CGNL1: variants seen among roughly 807,000 people sequenced by gnomAD.
The protein encoded by CGNL1 is cingulin like 1.
Under a neutral mutation model 141.2 loss-of-function variants are expected in CGNL1, and 132 were observed. That is an observed-to-expected ratio of 0.93 (90% CI 0.81 to 1.08). CGNL1 has a LOEUF of 1.08. Ranked by LOEUF, CGNL1 falls within the 50% of genes least tolerant of loss-of-function variation. CGNL1 has a pLI of 0.00. For missense variants in CGNL1, 1,870 were observed against 1,588.6 expected, an observed-to-expected ratio of 1.18 and a Z score of -3.01; for synonymous variants, 690 against 622.1, an observed-to-expected ratio of 1.11 and a Z score of -1.63.
At chr15:57,403,296 C>T (rs1205052686) in intron 1 of CGNL1, among the ~76,000 whole-genome samples, 1 of 152,182 alleles carries the variant, frequency 6.6e-6, no homozygotes, top group Admixed American at 6.5e-5. Flanking sequence ...TTCCCGGAAG[C>T]ATCTGGGCCA....
At chr15:57,391,480 G>A (rs1243019680) in intron 1 of CGNL1, among the ~76,000 whole-genome samples, 1 of 152,216 alleles carries the variant, frequency 6.6e-6, no homozygotes, top group Non-Finnish European at 1.5e-5. Flanking sequence ...AGCCAAGGGT[G>A]TGAGGAGACA....
chr15:57,538,478 C>T (rs28393178), intron 14 of CGNL1, among the ~76,000 whole-genome samples: 2,420 of 152,068 alleles, frequency 0.016, 63 homozygotes, highest in African/African-American at 0.055. Context: ...TTTTTTGCCC[C>T]CCTTTGGAGA....
chr15:57,417,500 C>G (rs2152277840), intron 1 of CGNL1, among the ~76,000 whole-genome samples: 1 of 152,250 alleles, frequency 6.6e-6, no homozygotes, highest in Middle Eastern at 3.4e-3. Context: ...TCCTAAAATG[C>G]TGGGATTTTA....
intron 1 of CGNL1, among the ~76,000 whole-genome samples, chr15:57,408,060 A>T (rs566265343): frequency 1.1e-3 from 165 of 152,166 alleles, no homozygotes; most frequent in African/African-American, 3.8e-3. Context: ...AAAAAAAATT[A>T]TTCTCTTTGG....
At chr15:57,384,832 A>C (rs984669914) in intron 1 of CGNL1, among the ~76,000 whole-genome samples, 6 of 152,236 alleles carry the variant, frequency 3.9e-5, no homozygotes, top group African/African-American at 1.4e-4. Flanking sequence ...GAAACTTGAC[A>C]TCCTTGTATT....
chr15:57,541,326 G>A (rs1258281873), intron 14 of CGNL1, among the ~76,000 whole-genome samples: 3 of 152,252 alleles, frequency 2.0e-5, no homozygotes, highest in Non-Finnish European at 4.4e-5. Context: ...TGGGAGGCAC[G>A]TCTGTCCTCA....
At chr15:57,453,339 G>A (rs1185083175) in intron 6 of CGNL1, among the ~76,000 whole-genome samples, 2 of 152,180 alleles carry the variant, frequency 1.3e-5, no homozygotes, top group Admixed American at 1.3e-4. Context: ...GTGGAAGGAT[G>A]GGGTGGCTTT....
rs367954453 is a variant in CGNL1 at position 57,545,583 on chromosome 15, C to T, written c.3501-9C>T. On this transcript the variant is annotated splice_polypyrimidine_tract_variant and intron_variant, in intron 16 of 18. Transcript: ENST00000281282. ...GAGAGGGTTCTTGGTTCTGTCTCCC[C>T]TCTTCCAGGGATCGGGCCAATCTTC... is the stretch of plus-strand genomic sequence containing the variant. The T allele has an allele frequency of 1.9e-6, 3 of 1,610,462 alleles. No individual in the cohort carries two copies. Among genetic ancestry groups the T allele is most frequent in the Admixed American group, 1.7e-5 (1 of 59,824 alleles).
At chr15:57,455,909 G>A (rs1446211982) in intron 7 of CGNL1, among the ~76,000 whole-genome samples, 2 of 152,170 alleles carry the variant, frequency 1.3e-5, no homozygotes, top group Non-Finnish European at 2.9e-5. Context: ...TGTTCGTGAT[G>A]TTGCTGGCTT....
At chr15:57,535,069 G>C (rs1401780633) in intron 14 of CGNL1, among the ~76,000 whole-genome samples, 1 of 152,190 alleles carries the variant, frequency 6.6e-6, no homozygotes, top group Non-Finnish European at 1.5e-5. Flanking sequence ...AAGGACCTCA[G>C]AGTCCAACTC....
chr15:57,549,603 T>A lies in CGNL1; in HGVS notation c.*2113T>A, dbSNP rs1236242256. ...ATTCCTCCCTTTAGTCATTCATTCA[T>A]TTAGCACATATTTATTGGGCATCGG... On this transcript the variant is annotated 3_prime_UTR_variant, in exon 19 of 19. Coordinates refer to ENST00000281282, the MANE Select transcript of CGNL1 (RefSeq NM_032866.5). The A allele has an allele frequency of 2.6e-5, 4 of 152,316 alleles. No individual in the cohort carries two copies. In the East Asian group the frequency reaches 5.8e-4, roughly 22 times the overall value. The allele number at this position is 152,316 out of a possible 1,614,324, so 9.4% of individuals were successfully genotyped here. A position where few individuals can be genotyped will look rare whatever the true frequency, so the allele number is the denominator to read the frequency against.
At position 57,439,061 on chromosome 15, in the gene CGNL1, T is replaced by A. The variant is rs199511794; in HGVS notation, c.1062T>A (p.Asp354Glu). The change falls in exon 2 of 19, where the codon GAT (aspartate) becomes GAA (glutamate). Residue 354 changes from aspartate to glutamate, a missense_variant. Asp to Glu is a conservative substitution (Grantham distance 45). Coordinates refer to ENST00000281282, the MANE Select transcript of CGNL1 (RefSeq NM_032866.5). ...DIDTGSIPGV[D>E]QLIEKFDQKP... Reference sequence around the variant, plus strand: ...ATACAGGATCAATTCCTGGTGTGGATCAGTTAATTGAAAAATTTGATCAAA... The same window carrying A: ...ATACAGGATCAATTCCTGGTGTGGAACAGTTAATTGAAAAATTTGATCAAA... 95 of 1,614,148 alleles carry A rather than the reference T, an allele frequency of 5.9e-5. 1 individual carries two copies. The South Asian group carries it at 1.0e-3, about 17-fold the overall frequency.
chr15:57,485,070 T>G (rs2063770432), intron 8 of CGNL1, among the ~76,000 whole-genome samples: 1 of 152,044 alleles, frequency 6.6e-6, no homozygotes, highest in African/African-American at 2.4e-5. Context: ...AATTCAGACT[T>G]CCTTTTTTCT....
At chr15:57,426,018 AG>A (rs1567109083) in intron 1 of CGNL1, among the ~76,000 whole-genome samples, 1 of 152,126 alleles carries the variant, frequency 6.6e-6, no homozygotes, top group African/African-American at 2.4e-5. Flanking sequence ...GAAGGTATGT[AG>A]GCAGGGACCC....
chr15:57,504,537 T>C (rs2064073663), intron 8 of CGNL1, among the ~76,000 whole-genome samples: 1 of 152,254 alleles, frequency 6.6e-6, no homozygotes, highest in African/African-American at 2.4e-5. Flanking sequence ...GTTGCAGTAA[T>C]AAACAGCCTC....
intron 8 of CGNL1, among the ~76,000 whole-genome samples, chr15:57,469,529 A>C (rs1185466455): frequency 6.6e-6 from 1 of 151,916 alleles, no homozygotes; most frequent in Admixed American, 6.6e-5. Context: ...CATTTGACTT[A>C]GTTAACAGTC....
intron 8 of CGNL1, among the ~76,000 whole-genome samples, chr15:57,492,988 C>T (rs1344939138): frequency 5.9e-5 from 9 of 152,184 alleles, no homozygotes; most frequent in African/African-American, 2.2e-4. Context: ...GAGATAACAT[C>T]TGTCCTTCTG....
At chr15:57,423,432 A>G (rs1468593274) in intron 1 of CGNL1, among the ~76,000 whole-genome samples, 1 of 46,092 alleles carries the variant, frequency 2.2e-5, no homozygotes, top group African/African-American at 7.8e-5. Context: ...CTGTTTTATG[A>G]GACAGCCTTT....
At position 57,550,535 on chromosome 15, in the gene CGNL1, C is replaced by A. The variant is rs2033066119; in HGVS notation, c.*3045C>A. 1 of 152,558 alleles carries A rather than the reference C, an allele frequency of 6.6e-6. No individual in the cohort carries two copies. Among genetic ancestry groups the A allele is most frequent in the African/African-American group, 2.4e-5 (1 of 41,420 alleles). The allele number at this position is 152,558 out of a possible 1,614,324, so 9.5% of individuals were successfully genotyped here. On this transcript the variant is annotated 3_prime_UTR_variant, in exon 19 of 19. Transcript: ENST00000281282. Reference sequence around the variant, plus strand: ...CATCCTGTATCTTTTATGGTTTTTCCTGCTTCTGAGTGTCGTTCTACAATG... The same window carrying A: ...CATCCTGTATCTTTTATGGTTTTTCATGCTTCTGAGTGTCGTTCTACAATG...
Sources: allele counts gnomAD v4.1 joint callset (sites outside exome capture counted in the v4.1 genomes callset), GRCh38; gene constraint gnomAD v4.1.1; transcripts MANE v1.5; gene names NCBI Gene and HGNC (gene_info 2026-07-23, HGNC 2026-07-21).